UFL1: variants seen among roughly 807,000 people sequenced by gnomAD.
UFL1 encodes the protein UFM1 specific ligase 1.
UFL1 carries 78 observed loss-of-function variants against 99.3 expected under a neutral mutation model. That is an observed-to-expected ratio of 0.79 (90% CI 0.65 to 0.95). UFL1 has a LOEUF of 0.95. Ranked by LOEUF, UFL1 falls within the 40% of genes least tolerant of loss-of-function variation. The probability of loss-of-function intolerance (pLI) is 0.00; values close to 1 mark genes in which losing one functional copy is unlikely to be tolerated. For synonymous variants in UFL1, 335 were observed against 322.2 expected (o/e 1.04, Z -0.42); for missense variants, 936 against 937.0 (o/e 1.00, Z 0.01).
At chr6:96,533,418 A>G (rs1020138312) in intron 6 of UFL1, among the ~76,000 whole-genome samples, 3 of 152,128 alleles carry the variant, frequency 2.0e-5, no homozygotes, top group African/African-American at 7.2e-5. Flanking sequence ...ATGAACATCA[A>G]TAAGAAGGAA....
At position 96,525,286 on chromosome 6, in the gene UFL1, T is replaced by A. The variant is rs202028527; in HGVS notation, c.253-11T>A. ...AACTAATCATTAATAGATTTTGTAT[T>A]TGTTTTCCAGGTAATTAATGTGGAC... On this transcript the variant is annotated splice_polypyrimidine_tract_variant and intron_variant, in intron 3 of 18. Coordinates refer to ENST00000369278, the MANE Select transcript of UFL1 (RefSeq NM_015323.5). The A allele has an allele frequency of 8.4e-6, 13 of 1,541,552 alleles. No individual in the cohort carries two copies. The African/African-American group carries it at 1.5e-4, about 18-fold the overall frequency.
chr6:96,525,022 G>A (rs188420962), intron 3 of UFL1, among the ~76,000 whole-genome samples: 37 of 150,998 alleles, frequency 2.5e-4, no homozygotes, highest in Middle Eastern at 3.4e-3. Context: ...AATGCTTTTC[G>A]TATTATTTCA....
intron 11 of UFL1, among the ~76,000 whole-genome samples, chr6:96,540,910 CTCTG>C (rs527469767): frequency 7.3e-5 from 11 of 151,434 alleles, no homozygotes; most frequent in Non-Finnish European, 1.2e-4. Context: ...TTTCCCCATC[CTCTG>C]TCTATGTTCC....
At chr6:96,526,580 A>G (rs543563242) in intron 5 of UFL1, 145 bp downstream of exon 5, 7 of 677,198 alleles carry the variant, frequency 1.0e-5, no homozygotes, top group South Asian at 3.6e-5. Context: ...TGTTGTACCA[A>G]TATATTTGGG....
intron 8 of UFL1, among the ~76,000 whole-genome samples, chr6:96,536,624 G>A (rs1007975305): frequency 1.3e-5 from 2 of 151,692 alleles, no homozygotes; most frequent in Non-Finnish European, 2.9e-5. Flanking sequence ...GTTTCTGTGG[G>A]TCTTGGAACT....
In UFL1 at chr6:96,540,656, G is replaced by C; in HGVS notation, c.1279+1G>C. 3 of 1,590,846 alleles carry C rather than the reference G, an allele frequency of 1.9e-6. No homozygotes were observed. Among genetic ancestry groups the C allele is most frequent in the Non-Finnish European group, 2.6e-6 (3 of 1,171,894 alleles). ...GATGAGCGAAGAAGGAAAGCAACAG[G>C]TAATAAATTGTTAACAAGGAATATT... On this transcript the variant is annotated splice_donor_variant, in intron 11 of 18. Transcript: ENST00000369278. LOFTEE classifies it high-confidence loss of function.
At position 96,554,077 on chromosome 6, in the gene UFL1, G is replaced by C. The variant is rs1211688853; in HGVS notation, c.*574G>C. ...TAAGCCCTTGCTCTTATTTTTGGCA[G>C]AATAAACATTGATTTTGGTTGGGGC... On this transcript the variant is annotated 3_prime_UTR_variant, in exon 19 of 19. Coordinates refer to ENST00000369278, the MANE Select transcript of UFL1 (RefSeq NM_015323.5). The C allele has an allele frequency of 6.6e-6, 1 of 152,298 alleles. No individual in the cohort carries two copies. The highest frequency in any genetic ancestry group is 1.5e-5 in the Non-Finnish European group (1 of 68,158). 9.4% of individuals were successfully genotyped at this position (152,298 alleles called of 1,614,324 possible).
intron 6 of UFL1, among the ~76,000 whole-genome samples, chr6:96,528,929 T>C (rs1384818730): frequency 6.6e-6 from 1 of 152,198 alleles, no homozygotes; most frequent in Non-Finnish European, 1.5e-5. Context: ...AGTATATAAG[T>C]GTCACCCTTG....
intron 11 of UFL1, 36 bp from the exon 12 acceptor site, chr6:96,542,858 G>A (rs1374133323): frequency 9.9e-6 from 15 of 1,510,312 alleles, no homozygotes; most frequent in South Asian, 1.4e-5. Flanking sequence ...TGATGATTTA[G>A]TTAGGTAATG....
chr6:96,523,498 T>G (rs1002915080), intron 2 of UFL1, among the ~76,000 whole-genome samples: 7 of 152,220 alleles, frequency 4.6e-5, no homozygotes, highest in African/African-American at 1.4e-4. Context: ...ATGTTGTCAC[T>G]TAAAATATTT....
chr6:96,546,067 G>A (rs530897884), intron 12 of UFL1, among the ~76,000 whole-genome samples: 2 of 151,226 alleles, frequency 1.3e-5, no homozygotes, highest in Admixed American at 6.6e-5. Flanking sequence ...TTGGAAAAGA[G>A]GAAGTCAGAT....
Position 96,523,269 on chromosome 6 carries a change from A to G in UFL1, c.201A>G (p.Arg67=). The G allele has an allele frequency of 6.2e-7, 1 of 1,609,174 alleles. No individual in the cohort carries two copies. Among genetic ancestry groups the G allele is most frequent in the Non-Finnish European group, 8.5e-7 (1 of 1,177,940 alleles). ...CAGCCCAAATTAGTAAAGAAATGAG[A>G]GATGAGCTACATGTCCGAGGTGGTA... ...ITPAQISKEM[R]DELHVRGGRV... Residue 67 remains arginine (R), a synonymous_variant, in exon 2 of 19, where the codon AGA becomes AGG. Transcript: ENST00000369278.
At chr6:96,522,560 G>A (rs1043415933) in intron 1 of UFL1, among the ~76,000 whole-genome samples, 2 of 152,074 alleles carry the variant, frequency 1.3e-5, no homozygotes, top group African/African-American at 4.8e-5. Context: ...TCTATTCTTT[G>A]ACTACTTCCT....
chr6:96,522,251 ACCCT>A (rs1359661179), intron 1 of UFL1, among the ~76,000 whole-genome samples: 2 of 150,698 alleles, frequency 1.3e-5, no homozygotes, highest in African/African-American at 2.4e-5. Flanking sequence ...CATTTCTTTG[ACCCT>A]CCCTCACCCA....
chr6:96,528,934 C>G (rs1303935141), intron 6 of UFL1, among the ~76,000 whole-genome samples: 1 of 152,110 alleles, frequency 6.6e-6, no homozygotes, highest in Non-Finnish European at 1.5e-5. Context: ...ATAAGTGTCA[C>G]CCTTGAATCA....
intron 15 of UFL1, among the ~76,000 whole-genome samples, chr6:96,550,324 GTCC>G (rs1372467806): frequency 6.6e-6 from 1 of 151,580 alleles, no homozygotes; most frequent in Non-Finnish European, 1.5e-5. Context: ...TTTCTTCTCT[GTCC>G]TCCTCCCACC....
At chr6:96,522,755 T>C (rs973365208) in intron 1 of UFL1, 1 of 156,442 alleles carries the variant, frequency 6.4e-6, no homozygotes, top group Admixed American at 6.5e-5. Flanking sequence ...ATGCACTTAA[T>C]TTAAAAGAAA....
Position 96,548,247 on chromosome 6 carries a change from G to C in UFL1, c.1486G>C (p.Glu496Gln), listed in dbSNP as rs746345985. ...LRKHIQDAPEEFISELAEYLI... is the reference protein window; with the variant it reads ...LRKHIQDAPEQFISELAEYLI... ...AAAACACATACAAGATGCCCCTGAGGAGTTTATTTCGGAACTTGCTGAGTA... is the reference window on the plus strand; with the variant it reads ...AAAACACATACAAGATGCCCCTGAGCAGTTTATTTCGGAACTTGCTGAGTA... The change falls in exon 13 of 19, where the codon GAG (glutamate) becomes CAG (glutamine). Residue 496 changes from glutamate (E) to glutamine (Q), a missense_variant. Transcript: ENST00000369278. 1 of 1,604,294 alleles carries C rather than the reference G, an allele frequency of 6.2e-7. No individual in the cohort carries two copies.
At position 96,546,429 on chromosome 6, in the gene UFL1, T is replaced by G. The variant is rs147565212; in HGVS notation, c.1403-1735T>G. ...ATTAGAAGAATCAATATTGTTAAAA[T>G]GACCATACTCCCCAGAGCAGTCTAC... is the stretch of plus-strand genomic sequence containing the variant. On this transcript the variant is annotated intron_variant, in intron 12 of 18. Coordinates refer to ENST00000369278, the MANE Select transcript of UFL1 (RefSeq NM_015323.5). Among the ~76,000 whole-genome samples, 380 of 151,648 alleles carry G rather than the reference T, an allele frequency of 2.5e-3. 1 individual carries two copies. Among genetic ancestry groups the G allele is most frequent in the African/African-American group, 8.1e-3 (335 of 41,484 alleles).
Sources: gnomAD v4.1 joint callset for allele counts (sites outside exome capture counted in the v4.1 genomes callset) on GRCh38, gnomAD v4.1.1 for gene constraint, MANE v1.5 for transcripts, NCBI Gene and HGNC (gene_info 2026-07-23, HGNC 2026-07-21) for gene names.